The following QARS1 variants were observed in gnomAD, a reference collection of about 807,000 sequenced individuals.
QARS1 encodes glutaminyl-tRNA synthetase 1, also known as glutamine--tRNA ligase.
A neutral mutation model predicts 106.9 loss-of-function variants in QARS1; 79 were observed. That is an observed-to-expected ratio of 0.74 (90% CI 0.62 to 0.89). The LOEUF is 0.89. QARS1 is among the 40% of genes least tolerant of loss of function. QARS1 has a pLI of 0.00. For missense variants in QARS1, 966 were observed against 997.2 expected (o/e 0.97, Z 0.42); for synonymous variants, 395 against 367.7 (o/e 1.07, Z -0.85).
intron 2 of QARS1, 157 bp downstream of exon 2, chr3:49,104,167 G>A (rs927778518): frequency 2.0e-5 from 24 of 1,200,148 alleles, no homozygotes; most frequent in African/African-American, 3.0e-5. Flanking sequence ...GACAGTTCCC[G>A]TGTCAGTCTC....
intron 7 of QARS1, 87 bp from the exon 8 acceptor site, chr3:49,101,986 C>T: frequency 1.4e-6 from 2 of 1,412,786 alleles, no homozygotes; most frequent in Non-Finnish European, 1.9e-6. Context: ...GACCCCTATT[C>T]CCTCAATTCC....
At position 49,098,219 on chromosome 3, in the gene QARS1, A is replaced by G. The variant is rs2042417010; in HGVS notation, c.2124T>C (p.Pro708=). 6.2e-7 allele frequency: 1 copy of G among 1,614,146 alleles called. No individual in the cohort carries two copies. Among genetic ancestry groups the G allele is most frequent in the Non-Finnish European group, 8.5e-7 (1 of 1,180,002 alleles). Residue 708 remains proline, a synonymous_variant, in exon 22 of 24, where the codon CCT becomes CCC. Transcript: ENST00000306125. ...HKNPEDPTEV[P]GGFLSDLNLA... Reference sequence around the variant, plus strand: ...GGTTCAGGTCACTTAAAAATCCACCAGGCACCTCAGTAGGATCTTCAGGGT... The same window carrying G: ...GGTTCAGGTCACTTAAAAATCCACCGGGCACCTCAGTAGGATCTTCAGGGT...
In QARS1 at chr3:49,099,835, G is replaced by A. The variant is rs1294643628; in HGVS notation, c.1314C>T (p.Tyr438=). The change falls in exon 15 of 24, where the codon TAC becomes TAT. Residue 438 remains tyrosine (Y), a synonymous_variant. Coordinates refer to ENST00000306125, the MANE Select transcript of QARS1 (RefSeq NM_005051.3). ...TGDKWCIYPT[Y]DYTHCLCDSI... is the part of the protein sequence containing the mutation. ...AGTCACAGAGGCAGTGTGTGTAGTC[G>A]TAGGTGGGATAGATGCACCTGTGGG... 1.1e-5 allele frequency: 17 copies of A among 1,611,980 alleles called. No homozygotes were observed. Among genetic ancestry groups the A allele is most frequent in the Middle Eastern group, 1.6e-4 (1 of 6,082 alleles).
chr3:49,101,796 G>C lies in QARS1; in HGVS notation c.703+32C>G, dbSNP rs574822305. On this transcript the variant is annotated intron_variant, in intron 8 of 23. Coordinates refer to ENST00000306125, the MANE Select transcript of QARS1 (RefSeq NM_005051.3). ...CTATAGGAGCTGCTGCCAAGATCCAGCCCTCCCCAGGGTTTTGACATGCCC... is the reference window on the plus strand; with the variant it reads ...CTATAGGAGCTGCTGCCAAGATCCACCCCTCCCCAGGGTTTTGACATGCCC... 2.5e-6 allele frequency: 4 copies of C among 1,608,628 alleles called. No individual in the cohort carries two copies. The African/African-American group carries it at 4.0e-5, about 16-fold the overall frequency.
At chr3:49,102,015 G>T in intron 7 of QARS1, 116 bp from the exon 8 acceptor site, 1 of 1,326,816 alleles carries the variant, frequency 7.5e-7, no homozygotes, top group Non-Finnish European at 1.0e-6. Context: ...GATATCTAGA[G>T]CCAGACATCT....
rs746554229 is a variant in QARS1 at position 49,098,242 on chromosome 3, G to C, written c.2101C>G (p.Pro701Ala). Residue 701 changes from proline to alanine, a missense_variant, in exon 22 of 24, where the codon CCT (proline) becomes GCT (alanine). By Grantham distance (27) the Pro-to-Ala change is conservative. Coordinates refer to ENST00000306125, the MANE Select transcript of QARS1 (RefSeq NM_005051.3). ...LYERLFQHKN[P>A]EDPTEVPGGF... is the part of the protein sequence containing the mutation. ...CCAGGCACCTCAGTAGGATCTTCAG[G>C]GTTCTTGTGCTGGAATCTGCAGCCA... is the stretch of plus-strand genomic sequence containing the variant. 6.2e-7 allele frequency: 1 copy of C among 1,614,140 alleles called. No homozygotes were observed. The highest frequency in any genetic ancestry group is 8.5e-7 in the Non-Finnish European group (1 of 1,180,034).
intron 10 of QARS1, 63 bp downstream of exon 10, chr3:49,101,292 G>T: frequency 7.8e-7 from 1 of 1,276,562 alleles, no homozygotes; most frequent in Non-Finnish European, 1.1e-6. Context: ...CAGGGATATG[G>T]TATCCACTCA....
At chr3:49,096,489 C>A (rs1423088032) in intron 23 of QARS1, among the ~76,000 whole-genome samples, 4 of 152,016 alleles carry the variant, frequency 2.6e-5, no homozygotes, top group Admixed American at 6.6e-5. Context: ...CATGGCAAAA[C>A]CCCGTCTCTA....
chr3:49,102,703 A>G (rs761721503), intron 5 of QARS1: 4 of 611,372 alleles, frequency 6.5e-6, no homozygotes, highest in South Asian at 6.5e-5. Flanking sequence ...ATGCAATGGC[A>G]CAGTCTCCGC....
chr3:49,100,849 T>C, intron 10 of QARS1, 175 bp from the exon 11 acceptor site: 1 of 699,104 alleles, frequency 1.4e-6, no homozygotes, highest in South Asian at 1.5e-5. Flanking sequence ...CTCCTGGGTT[T>C]CTCCTGCCTC....
rs1422029101 is a variant in QARS1, at chr3:49,100,286, A to G, written c.1068T>C (p.Tyr356=). 1 of 1,614,248 alleles carries G rather than the reference A, an allele frequency of 6.2e-7. No homozygotes were observed. ...GCTCCTCTCCTCGCTGGTGGCACAC[A>G]TAAGCCAGACCCCTGTGGGGAAGCG... is the stretch of plus-strand genomic sequence containing the variant. ...AVELIRRGLA[Y]VCHQRGEELK... The change falls in exon 13 of 24, where the codon TAT becomes TAC. Residue 356 remains tyrosine, a synonymous_variant. Transcript: ENST00000306125.
chr3:49,103,178 G>A (rs2042493592), intron 5 of QARS1, among the ~76,000 whole-genome samples, 167 bp downstream of exon 5: 1 of 149,440 alleles, frequency 6.7e-6, no homozygotes, highest in African/African-American at 2.5e-5. Flanking sequence ...GGCTGGTCTT[G>A]AACTCCTGGG....
At position 49,098,704 on chromosome 3, in the gene QARS1, A is replaced by T. The variant is rs2042425058; in HGVS notation, c.1864-12T>A. 1.3e-6 allele frequency: 2 copies of T among 1,581,400 alleles called. No individual in the cohort carries two copies. The highest frequency in any genetic ancestry group is 1.4e-5 in the African/African-American group (1 of 73,702). On this transcript the variant is annotated splice_polypyrimidine_tract_variant and intron_variant, in intron 19 of 23. Coordinates refer to ENST00000306125, the MANE Select transcript of QARS1 (RefSeq NM_005051.3). Reference sequence around the variant, plus strand: ...CCTGGCTCTGGCTCCTAGAGATAGGAAGTGGGGTAGACACATGAGGCTGCA... The same window carrying T: ...CCTGGCTCTGGCTCCTAGAGATAGGTAGTGGGGTAGACACATGAGGCTGCA...
In QARS1 at chr3:49,098,028, T is replaced by C; in HGVS notation, c.2241A>G (p.Gly747=). 6 of 1,614,164 alleles carry C rather than the reference T, an allele frequency of 3.7e-6. No homozygotes were observed. Among genetic ancestry groups the C allele is most frequent in the Non-Finnish European group, 5.1e-6 (6 of 1,180,036 alleles). Residue 747 remains glycine, a synonymous_variant, in exon 23 of 24, where the codon GGA becomes GGG. Transcript: ENST00000306125. ...PFDKFQFERL[G]YFSVDPDSHQ... ...GGCTGTCTGGATCCACGGAGAAATA[T>C]CCAAGACGCTCAAACTGGAACTTGT...
Position 49,096,341 on chromosome 3 carries a change from CCAT to C in QARS1, c.2278-265_2278-263del, listed in dbSNP as rs758958928. ...AGTTTTATATGGATTATAACAACCA[CCAT>C]GTTTGCCCCCTACTTTAAGGAGTAA... On this transcript the variant is annotated intron_variant, in intron 23 of 23. Coordinates refer to ENST00000306125, the MANE Select transcript of QARS1 (RefSeq NM_005051.3). Among the ~76,000 whole-genome samples the C allele has an allele frequency of 4.6e-5, 7 of 152,176 alleles. No individual in the cohort carries two copies. The East Asian group carries it at 7.7e-4, about 17-fold the overall frequency.
At chr3:49,102,933 C>T (rs1446868527) in intron 5 of QARS1, among the ~76,000 whole-genome samples, 1 of 152,154 alleles carries the variant, frequency 6.6e-6, no homozygotes, top group Non-Finnish European at 1.5e-5. Context: ...TGTGAGCCAC[C>T]ATGCCCAGCC....
In QARS1 at chr3:49,104,533, C is replaced by T. The variant is rs142970843; in HGVS notation, c.118-62G>A. ...CAGTGAGAGGAAAGGGCGGGACAAA[C>T]GGGGCAGGTCGGGATCTGGACCCCG... On this transcript the variant is annotated intron_variant, in intron 1 of 23. Transcript: ENST00000306125. The T allele has an allele frequency of 1.2e-3, 1,851 of 1,604,234 alleles. 21 individuals carry two copies. The African/African-American group carries it at 0.02, about 18-fold the overall frequency.
chr3:49,098,081 A>G lies in QARS1; in HGVS notation c.2188T>C (p.Cys730Arg). ...LHVVDAALVD[C>R]SVALAKPFDK... is the part of the protein sequence containing the mutation. ...AAGGGTTTTGCCAGGGCCACAGAGC[A>G]GTCCACTAATGCTGCATCCACCACG... Residue 730 changes from cysteine (C) to arginine (R), a missense_variant, in exon 23 of 24, where the codon TGC becomes CGC. Cys to Arg is a radical substitution (Grantham distance 180). Coordinates refer to ENST00000306125, the MANE Select transcript of QARS1 (RefSeq NM_005051.3). 1.2e-6 allele frequency: 2 copies of G among 1,614,192 alleles called. No individual in the cohort carries two copies. The highest frequency in any genetic ancestry group is 1.7e-6 in the Non-Finnish European group (2 of 1,180,036).
chr3:49,102,888 CCA>C (rs1318488025), intron 5 of QARS1, among the ~76,000 whole-genome samples: 1 of 152,220 alleles, frequency 6.6e-6, no homozygotes, highest in Non-Finnish European at 1.5e-5. Flanking sequence ...GGTGATCTGC[CCA>C]CCTCAGCCTC....
Sources: allele counts gnomAD v4.1 joint callset (sites outside exome capture counted in the v4.1 genomes callset), GRCh38; gene constraint gnomAD v4.1.1; transcripts MANE v1.5; gene names NCBI Gene and HGNC (gene_info 2026-07-23, HGNC 2026-07-21).